The following DLGAP1 variants were observed in gnomAD, a reference collection of about 807,000 sequenced individuals.
The protein encoded by DLGAP1 is DLG associated protein 1.
DLGAP1 carries 11 observed loss-of-function variants against 90.8 expected under a neutral mutation model. That is an observed-to-expected ratio of 0.12 (90% CI 0.08 to 0.20). The LOEUF (loss-of-function observed/expected upper bound fraction) is 0.20, where lower values mean the gene tolerates loss of function less well. Among genes scored for constraint, DLGAP1 ranks in the 10% least tolerant of loss-of-function variants. DLGAP1 has a pLI of 1.00. For missense variants in DLGAP1, 1,050 were observed against 1,333.8 expected, an observed-to-expected ratio of 0.79 and a Z score of 3.31; for synonymous variants, 558 against 540.7, an observed-to-expected ratio of 1.03 and a Z score of -0.44.
intron 5 of DLGAP1, among the ~76,000 whole-genome samples, chr18:3,742,949 T>TCTTCCTCCCTTCCTTC (rs2063118333): frequency 7.0e-6 from 1 of 142,658 alleles, no homozygotes; most frequent in Non-Finnish European, 1.5e-5. Context: ...TATCAATTTA[T>TCTTCCTCCCTTCCTTC]CTTCCTTCCT....
rs938756620 is a variant in DLGAP1, at chr18:3,582,229, T to C, written c.1611A>G (p.Thr537=). The change falls in exon 8 of 13, where the codon ACA becomes ACG. Residue 537 remains threonine (T), a synonymous_variant. Coordinates refer to ENST00000315677, the MANE Select transcript of DLGAP1 (RefSeq NM_004746.4). ...GGACTGGAGGTGGTGTCTTCTTATA[T>C]GTTGTAATGCAAGATGACACTGGAA... is the stretch of plus-strand genomic sequence containing the variant. ...QSSTVSSCIT[T]YKKTPPPVPP... is the part of the protein sequence containing the mutation. 37 of 1,613,556 alleles carry C rather than the reference T, an allele frequency of 2.3e-5. No individual in the cohort carries two copies. Among genetic ancestry groups the C allele is most frequent in the Non-Finnish European group, 3.1e-5 (36 of 1,179,690 alleles).
Position 4,316,983 on chromosome 18 carries a change from T to C in DLGAP1, c.-267+138023A>G, listed in dbSNP as rs886906722. Among the ~76,000 whole-genome samples, 4 of 151,618 alleles carry C rather than the reference T, an allele frequency of 2.6e-5. No individual in the cohort carries two copies. In the East Asian group the frequency reaches 5.8e-4, roughly 22 times the overall value. On this transcript the variant is annotated intron_variant, in intron 1 of 12. Coordinates refer to ENST00000315677, the MANE Select transcript of DLGAP1 (RefSeq NM_004746.4). ...AGTCCCTCCTCTGCTTCTGTCCTCC[T>C]TCCCTCATGACCTACACCCAGGTCT...
chr18:3,584,801 G>A (rs1015198816), intron 7 of DLGAP1, among the ~76,000 whole-genome samples: 2 of 152,114 alleles, frequency 1.3e-5, no homozygotes, highest in African/African-American at 4.8e-5. Context: ...CATCAGGTTG[G>A]AAGGCAGTGG....
chr18:4,419,574 C>A (rs2144669716), intron 1 of DLGAP1, among the ~76,000 whole-genome samples: 1 of 151,908 alleles, frequency 6.6e-6, no homozygotes, highest in East Asian at 1.9e-4. Context: ...TCTCTAAAGC[C>A]AAAATGGTAC....
At chr18:4,225,802 T>TA (rs563902222) in intron 1 of DLGAP1, among the ~76,000 whole-genome samples, 2 of 152,092 alleles carry the variant, frequency 1.3e-5, no homozygotes, top group South Asian at 2.1e-4. Flanking sequence ...CTACAAGTTC[T>TA]AAAAAATAGC....
intron 2 of DLGAP1, among the ~76,000 whole-genome samples, chr18:4,108,071 T>C (rs947707676): frequency 1.4e-4 from 21 of 152,190 alleles, no homozygotes; most frequent in Non-Finnish European, 2.4e-4. Context: ...TCATAGAAAC[T>C]GACATTCTTC....
chr18:4,028,420 C>T (rs72869542), intron 2 of DLGAP1, among the ~76,000 whole-genome samples: 23,442 of 152,172 alleles, frequency 0.15, 2,193 homozygotes, highest in Non-Finnish European at 0.19. Flanking sequence ...GCAGCAAATA[C>T]GTTATTACCT....
At chr18:3,530,163 T>G (rs913020234) in intron 10 of DLGAP1, among the ~76,000 whole-genome samples, 1 of 152,148 alleles carries the variant, frequency 6.6e-6, no homozygotes, top group Non-Finnish European at 1.5e-5. Flanking sequence ...TCTGGCATTT[T>G]GGGAGGCAGA....
At chr18:3,575,686 T>C (rs1182102847) in intron 8 of DLGAP1, among the ~76,000 whole-genome samples, 4 of 152,186 alleles carry the variant, frequency 2.6e-5, no homozygotes, top group Admixed American at 6.5e-5. Context: ...TTTGTAATTA[T>C]AAGAAAACAA....
chr18:3,892,987 G>A (rs1210437878), intron 3 of DLGAP1, among the ~76,000 whole-genome samples: 1 of 150,778 alleles, frequency 6.6e-6, no homozygotes, highest in Non-Finnish European at 1.5e-5. Flanking sequence ...GTAAAGGCTG[G>A]GCTTTTAGTG....
intron 1 of DLGAP1, among the ~76,000 whole-genome samples, chr18:4,240,813 T>C (rs750465577): frequency 6.6e-6 from 1 of 152,206 alleles, no homozygotes; most frequent in African/African-American, 2.4e-5. Flanking sequence ...ATGCATGCTG[T>C]TGAAAAGATC....
intron 2 of DLGAP1, among the ~76,000 whole-genome samples, chr18:4,063,707 C>CGGT (rs1307210939): frequency 6.6e-6 from 1 of 152,054 alleles, no homozygotes; most frequent in African/African-American, 2.4e-5. Flanking sequence ...CATAACAAGG[C>CGGT]CACCTTGCTA....
intron 3 of DLGAP1, among the ~76,000 whole-genome samples, chr18:3,980,613 C>T (rs556593661): frequency 2.0e-5 from 3 of 152,214 alleles, no homozygotes; most frequent in East Asian, 1.9e-4. Flanking sequence ...TACTCCTTTC[C>T]GGAAAGGAAA....
chr18:3,647,832 G>C (rs2059174838), intron 7 of DLGAP1, among the ~76,000 whole-genome samples: 1 of 152,118 alleles, frequency 6.6e-6, no homozygotes, highest in South Asian at 2.1e-4. Flanking sequence ...AGGAAAGTGT[G>C]GTACAGACGG....
chr18:4,090,776 T>C (rs1156375055), intron 2 of DLGAP1, among the ~76,000 whole-genome samples: 3 of 152,164 alleles, frequency 2.0e-5, no homozygotes, highest in Non-Finnish European at 4.4e-5. Flanking sequence ...CATTCTATCA[T>C]AAAGACACAT....
chr18:3,726,673 C>A (rs941838909), intron 7 of DLGAP1, among the ~76,000 whole-genome samples: 3 of 152,190 alleles, frequency 2.0e-5, no homozygotes, highest in Admixed American at 6.5e-5. Context: ...TTTTTCCACA[C>A]CTGTAAAGAT....
At chr18:4,206,952 T>C (rs1020191921) in intron 1 of DLGAP1, among the ~76,000 whole-genome samples, 6 of 152,102 alleles carry the variant, frequency 3.9e-5, no homozygotes, top group Admixed American at 2.6e-4. Flanking sequence ...GTAAAAGAGA[T>C]AGTAAAGACC....
At chr18:4,254,775 A>G (rs1032278577) in intron 1 of DLGAP1, among the ~76,000 whole-genome samples, 1 of 152,224 alleles carries the variant, frequency 6.6e-6, no homozygotes, top group African/African-American at 2.4e-5. Flanking sequence ...ACAATGAATC[A>G]AGAAAAGCTT....
At chr18:4,303,319 AAG>A (rs1457702673) in intron 1 of DLGAP1, among the ~76,000 whole-genome samples, 1 of 152,164 alleles carries the variant, frequency 6.6e-6, no homozygotes. Context: ...AATGTGGAGA[AAG>A]AAAAAAAATG....
Sources: allele counts gnomAD v4.1 joint callset (sites outside exome capture counted in the v4.1 genomes callset), GRCh38; gene constraint gnomAD v4.1.1; transcripts MANE v1.5; gene names NCBI Gene and HGNC (gene_info 2026-07-23, HGNC 2026-07-21).